CDH10: variants seen among roughly 807,000 people sequenced by gnomAD.
The protein encoded by CDH10 is cadherin-10.
CDH10 carries 30 observed loss-of-function variants against 73.1 expected under a neutral mutation model. The observed-to-expected ratio is 0.41, with a 90% confidence interval of 0.31 to 0.56. The LOEUF (loss-of-function observed/expected upper bound fraction) is 0.56. Among genes scored for constraint, CDH10 ranks in the 20% least tolerant of loss-of-function variants. CDH10 has a pLI of 0.27. For synonymous variants in CDH10, 345 were observed against 348.2 expected, an observed-to-expected ratio of 0.99 and a Z score of 0.10; for missense variants, 815 against 973.7, an observed-to-expected ratio of 0.84 and a Z score of 2.17.
intron 2 of CDH10, among the ~76,000 whole-genome samples, chr5:24,567,679 G>C (rs1463694309): frequency 1.3e-5 from 2 of 151,950 alleles, no homozygotes; most frequent in Non-Finnish European, 1.5e-5. Flanking sequence ...GGAAATTTCA[G>C]GGTAATGAAA....
rs1743912820 is a variant in CDH10 at position 24,535,295 on chromosome 5, A to C, written c.647-16T>G. ...CTGATGATACCTTGAGAAAATATAA[A>C]AAAACTTCCATTATCTTCACTGAAA... On this transcript the variant is annotated splice_polypyrimidine_tract_variant and intron_variant, in intron 4 of 11. Coordinates refer to ENST00000264463, the MANE Select transcript of CDH10 (RefSeq NM_006727.5). 6.3e-7 allele frequency: 1 copy of C among 1,594,738 alleles called. No individual in the cohort carries two copies. Among genetic ancestry groups the C allele is most frequent in the African/African-American group, 1.4e-5 (1 of 73,698 alleles).
intron 8 of CDH10, among the ~76,000 whole-genome samples, chr5:24,500,262 G>T (rs765546750): frequency 1.3e-5 from 2 of 152,176 alleles, no homozygotes; most frequent in African/African-American, 2.4e-5. Context: ...TTTAAAAAAT[G>T]ATATATAAGA....
chr5:24,554,503 TG>T (rs1744689200), intron 2 of CDH10, among the ~76,000 whole-genome samples: 1 of 75,736 alleles, frequency 1.3e-5, no homozygotes, highest in African/African-American at 3.0e-5. Context: ...TGTGTGTGTG[TG>T]TGTGTGTGTG....
chr5:24,531,898 T>C (rs184602135), intron 5 of CDH10, among the ~76,000 whole-genome samples: 107 of 152,186 alleles, frequency 7.0e-4, no homozygotes, highest in African/African-American at 2.5e-3. Flanking sequence ...TACTGGGATA[T>C]TGGGCCAGAT....
At chr5:24,634,356 T>G (rs2112204434) in intron 1 of CDH10, among the ~76,000 whole-genome samples, 1 of 151,976 alleles carries the variant, frequency 6.6e-6, no homozygotes, top group Non-Finnish European at 1.5e-5. Flanking sequence ...GTCAAAGTTT[T>G]TAGCCTTTGT....
At chr5:24,632,886 TTGA>T (rs547989838) in intron 1 of CDH10, among the ~76,000 whole-genome samples, 3 of 151,430 alleles carry the variant, frequency 2.0e-5, no homozygotes, top group African/African-American at 2.4e-5. Flanking sequence ...TACTCAGGTT[TTGA>T]TGATGATGAT....
At chr5:24,501,710 T>G (rs1366906391) in intron 8 of CDH10, among the ~76,000 whole-genome samples, 2 of 152,198 alleles carry the variant, frequency 1.3e-5, no homozygotes, top group Non-Finnish European at 2.9e-5. Flanking sequence ...TGGGTAAGAA[T>G]TCTATGAATA....
intron 8 of CDH10, among the ~76,000 whole-genome samples, chr5:24,503,801 C>CT (rs759478377): frequency 4.0e-5 from 6 of 151,688 alleles, no homozygotes; most frequent in Admixed American, 6.6e-5. Flanking sequence ...AAAATAAATT[C>CT]TTTTTTTTAG....
intron 2 of CDH10, among the ~76,000 whole-genome samples, chr5:24,543,384 G>A (rs74528834): frequency 1.3e-5 from 2 of 152,094 alleles, no homozygotes; most frequent in South Asian, 2.1e-4. Flanking sequence ...GATAAATTTC[G>A]ATGAATGAAT....
intron 2 of CDH10, among the ~76,000 whole-genome samples, chr5:24,562,194 T>G (rs1346620375): frequency 1.3e-5 from 2 of 152,022 alleles, no homozygotes; most frequent in African/African-American, 4.8e-5. Context: ...AAAAATACAC[T>G]GCTAAAACTA....
At position 24,511,341 on chromosome 5, in the gene CDH10, T is replaced by C. The variant is rs1241740209; in HGVS notation, c.988A>G (p.Ile330Val). 2 of 1,608,236 alleles carry C rather than the reference T, an allele frequency of 1.2e-6. No homozygotes were observed. Among genetic ancestry groups the C allele is most frequent in the Non-Finnish European group, 1.7e-6 (2 of 1,174,930 alleles). Residue 330 changes from isoleucine (I) to valine (V), a missense_variant, in exon 6 of 12, where the codon ATC (isoleucine) becomes GTC (valine). Coordinates refer to ENST00000264463, the MANE Select transcript of CDH10 (RefSeq NM_006727.5). ...ATGCTGTGCACCTTTTTCACAGTGA[T>C]GATGCCTTCCTGTGTGTCCTTCTCA... The part of the protein sequence containing the change: ...VTEKDTQEGI[I>V]TVKKPLDYES...
chr5:24,540,387 T>C (rs1279631539), intron 2 of CDH10, among the ~76,000 whole-genome samples: 4 of 151,962 alleles, frequency 2.6e-5, no homozygotes, highest in African/African-American at 7.2e-5. Flanking sequence ...GCTGCTAAGA[T>C]GGTGAGATTT....
At chr5:24,576,714 T>C (rs1745612948) in intron 2 of CDH10, among the ~76,000 whole-genome samples, 1 of 151,962 alleles carries the variant, frequency 6.6e-6, no homozygotes, top group African/African-American at 2.4e-5. Flanking sequence ...GAGACAAATA[T>C]CCTACAGAAG....
At chr5:24,582,909 G>A (rs573199671) in intron 2 of CDH10, among the ~76,000 whole-genome samples, 3 of 152,248 alleles carry the variant, frequency 2.0e-5, no homozygotes, top group East Asian at 3.9e-4. Context: ...ATTGGTTTAG[G>A]TTGAAACAAC....
chr5:24,570,870 CA>C (rs145283463), intron 2 of CDH10, among the ~76,000 whole-genome samples: 12,421 of 148,300 alleles, frequency 0.084, 586 homozygotes, highest in Middle Eastern at 0.13. Context: ...TTTGTTTTTT[CA>C]AAAAAAAAAT....
rs181799008 is a variant in CDH10 at position 24,526,299 on chromosome 5, T to C, written c.814+8813A>G. Among the ~76,000 whole-genome samples the C allele has an allele frequency of 4.8e-3, 724 of 152,136 alleles. 9 individuals are homozygous for C. The highest frequency in any genetic ancestry group is 0.017 in the African/African-American group (706 of 41,556). On this transcript the variant is annotated intron_variant, in intron 5 of 11. Coordinates refer to ENST00000264463, the MANE Select transcript of CDH10 (RefSeq NM_006727.5). ...AACTGGAATGTTCCAAGTAGGTTTT[T>C]GTATAATTTCCATATACATGATTTC...
chr5:24,535,084 G>A (rs749024708), intron 5 of CDH10, 28 bp downstream of exon 5: 22 of 1,485,868 alleles, frequency 1.5e-5, no homozygotes, highest in Middle Eastern at 1.8e-4. Flanking sequence ...TCTTTTGCCC[G>A]GCAGAATGAC....
rs1343172393 is a variant in CDH10, at chr5:24,488,119, C to T, written c.1911G>A (p.Gln637=). 1 of 1,612,100 alleles carries T rather than the reference C, an allele frequency of 6.2e-7. No individual in the cohort carries two copies. The highest frequency in any genetic ancestry group is 8.5e-7 in the Non-Finnish European group (1 of 1,179,250). Residue 637 remains glutamine (Q), a synonymous_variant, in exon 12 of 12, where the codon CAG becomes CAA. Coordinates refer to ENST00000264463, the MANE Select transcript of CDH10 (RefSeq NM_006727.5). ...IVVLFAALKR[Q]RKKEPLILSK... ...ACAAGATCAGAGGCTCTTTTTTTCGCTGTCTTTTCAGAGCTGCAAACAGTA... is the reference window on the plus strand; with the variant it reads ...ACAAGATCAGAGGCTCTTTTTTTCGTTGTCTTTTCAGAGCTGCAAACAGTA...
chr5:24,637,386 A>C (rs1747900346), intron 1 of CDH10, among the ~76,000 whole-genome samples: 1 of 151,992 alleles, frequency 6.6e-6, no homozygotes, highest in Non-Finnish European at 1.5e-5. Context: ...GGAATACATG[A>C]CTGCCCATGA....
Sources: gnomAD v4.1 joint callset for allele counts (sites outside exome capture counted in the v4.1 genomes callset) on GRCh38, gnomAD v4.1.1 for gene constraint, MANE v1.5 for transcripts, NCBI Gene and HGNC (gene_info 2026-07-23, HGNC 2026-07-21) for gene names.